Variants in BRINP3 observed in about 807,000 individuals in gnomAD.
BRINP3 encodes the protein BMP/retinoic acid-inducible neural-specific protein 3.
In BRINP3, 19 loss-of-function variants were observed where a neutral mutation model predicts 71.0. That is an observed-to-expected ratio of 0.27 (90% confidence interval 0.19 to 0.39). The LOEUF is 0.39. Among genes scored for constraint, BRINP3 ranks in the 10% least tolerant of loss-of-function variants. The probability of loss-of-function intolerance (pLI) is 1.00; values close to 1 mark genes in which losing one functional copy is unlikely to be tolerated. For synonymous variants in BRINP3, 380 were observed against 337.7 expected, an observed-to-expected ratio of 1.13 and a Z score of -1.37; for missense variants, 959 against 940.8, an observed-to-expected ratio of 1.02 and a Z score of -0.25.
intron 2 of BRINP3, among the ~76,000 whole-genome samples, chr1:190,340,894 G>T (rs984186991): frequency 4.0e-5 from 6 of 150,938 alleles, no homozygotes; most frequent in African/African-American, 1.5e-4. Flanking sequence ...CAATGAATTT[G>T]TCTGATACTC....
At chr1:190,314,201 A>G (rs754770080) in intron 2 of BRINP3, among the ~76,000 whole-genome samples, 4 of 152,132 alleles carry the variant, frequency 2.6e-5, no homozygotes, top group Non-Finnish European at 2.9e-5. Context: ...TTAATGGAGA[A>G]TAATAGAAAA....
rs958988962 is a variant in BRINP3, at chr1:190,242,260, C to A, written c.619-7783G>T. 4.6e-5 allele frequency among the ~76,000 whole-genome samples: 7 copies of A among 152,030 alleles called. No homozygotes were observed. The East Asian group carries it at 1.4e-3, about 29-fold the overall frequency. On this transcript the variant is annotated intron_variant, in intron 4 of 7. Coordinates refer to ENST00000367462, the MANE Select transcript of BRINP3 (RefSeq NM_199051.3). ...AAAAGTGAAAATTCACATAAAAATG[C>A]TACATGTCCTCAAATAAAAAATATA...
intron 2 of BRINP3, among the ~76,000 whole-genome samples, chr1:190,453,235 T>TTTTTTTTTTTC (rs1675759276): frequency 8.7e-6 from 1 of 114,518 alleles, no homozygotes; most frequent in Non-Finnish European, 1.8e-5. Context: ...TTTTTTTTTT[T>TTTTTTTTTTTC]TTTGAGACGG....
intron 2 of BRINP3, among the ~76,000 whole-genome samples, chr1:190,420,043 A>T (rs1286878548): frequency 6.6e-6 from 1 of 152,004 alleles, no homozygotes; most frequent in Non-Finnish European, 1.5e-5. Flanking sequence ...TCTATATATG[A>T]AACTTAAATA....
At chr1:190,411,893 G>C (rs1338295492) in intron 2 of BRINP3, among the ~76,000 whole-genome samples, 2 of 152,124 alleles carry the variant, frequency 1.3e-5, no homozygotes, top group Non-Finnish European at 2.9e-5. Flanking sequence ...AAGTCAATTT[G>C]TTCACAGAAG....
chr1:190,294,186 A>G (rs1664076892), intron 2 of BRINP3, among the ~76,000 whole-genome samples: 2 of 151,314 alleles, frequency 1.3e-5, no homozygotes, highest in Admixed American at 1.3e-4. Flanking sequence ...TAGGGTATTT[A>G]TTATAGTTTT....
chr1:190,223,568 A>C (rs1319167592), intron 6 of BRINP3, among the ~76,000 whole-genome samples: 1 of 151,970 alleles, frequency 6.6e-6, no homozygotes, highest in African/African-American at 2.4e-5. Flanking sequence ...CTGAATGAGA[A>C]AAATAATTTT....
intron 2 of BRINP3, among the ~76,000 whole-genome samples, chr1:190,395,455 A>T (rs1671508322): frequency 6.6e-6 from 1 of 151,646 alleles, no homozygotes; most frequent in South Asian, 2.1e-4. Flanking sequence ...ACTTCTCCAG[A>T]TTTTCTAATG....
chr1:190,327,023 A>C (rs1213825283), intron 2 of BRINP3, among the ~76,000 whole-genome samples: 1 of 151,822 alleles, frequency 6.6e-6, no homozygotes, highest in Non-Finnish European at 1.5e-5. Context: ...AAAAAAAAAA[A>C]AAAATACACA....
intron 6 of BRINP3, among the ~76,000 whole-genome samples, chr1:190,223,208 C>T (rs1308874309): frequency 6.6e-6 from 1 of 151,836 alleles, no homozygotes. Context: ...CAGACAAAAA[C>T]ATGACAAGAA....
chr1:190,175,243 C>T (rs1245687147), intron 6 of BRINP3, among the ~76,000 whole-genome samples: 1 of 152,056 alleles, frequency 6.6e-6, no homozygotes, highest in East Asian at 1.9e-4. Flanking sequence ...AAATTGTTAT[C>T]AGAGGGATTG....
chr1:190,130,761 T>G (rs535070231), intron 7 of BRINP3, among the ~76,000 whole-genome samples: 2 of 152,134 alleles, frequency 1.3e-5, no homozygotes, highest in South Asian at 4.1e-4. Flanking sequence ...ACAGTCAGTA[T>G]GAATGGCAGA....
At chr1:190,278,077 A>G (rs1662747233) in intron 3 of BRINP3, among the ~76,000 whole-genome samples, 1 of 151,756 alleles carries the variant, frequency 6.6e-6, no homozygotes, top group Non-Finnish European at 1.5e-5. Context: ...TTATGTCTAC[A>G]TCAATAATAT....
At chr1:190,232,546 A>C (rs1658094580) in intron 5 of BRINP3, among the ~76,000 whole-genome samples, 1 of 152,096 alleles carries the variant, frequency 6.6e-6, no homozygotes, top group Non-Finnish European at 1.5e-5. Flanking sequence ...AAAAATACAG[A>C]CATGGAAAAC....
intron 2 of BRINP3, among the ~76,000 whole-genome samples, chr1:190,317,710 A>G (rs541552459): frequency 6.6e-6 from 1 of 152,178 alleles, no homozygotes; most frequent in African/African-American, 2.4e-5. Context: ...CTATGCCTTT[A>G]CCCGTATTGT....
chr1:190,297,524 G>A (rs1238718402), intron 2 of BRINP3, among the ~76,000 whole-genome samples: 2 of 152,056 alleles, frequency 1.3e-5, no homozygotes, highest in Non-Finnish European at 2.9e-5. Context: ...TTTCATAGAT[G>A]CAATTTATGA....
At chr1:190,440,020 G>C (rs1674711437) in intron 2 of BRINP3, among the ~76,000 whole-genome samples, 1 of 150,126 alleles carries the variant, frequency 6.7e-6, no homozygotes, top group Admixed American at 6.6e-5. Flanking sequence ...TCTTCCAGTA[G>C]TTATCAAAAA....
intron 7 of BRINP3, among the ~76,000 whole-genome samples, chr1:190,106,175 C>A (rs558773590): frequency 1.3e-5 from 2 of 151,722 alleles, no homozygotes; most frequent in African/African-American, 4.8e-5. Flanking sequence ...TTGGTATTCA[C>A]CCCCCCATAA....
intron 4 of BRINP3, 36 bp from the exon 5 acceptor site, chr1:190,234,513 A>C: frequency 6.7e-7 from 1 of 1,489,086 alleles, no homozygotes; most frequent in African/African-American, 1.4e-5. Flanking sequence ...TATCTAAATC[A>C]GACTTTACAA....
Sources: allele counts gnomAD v4.1 joint callset (sites outside exome capture counted in the v4.1 genomes callset), GRCh38; gene constraint gnomAD v4.1.1; transcripts MANE v1.5; gene names NCBI Gene and HGNC (gene_info 2026-07-23, HGNC 2026-07-21).